The following SLC29A2 variants were observed in gnomAD, a reference collection of about 807,000 sequenced individuals.
SLC29A2 encodes solute carrier family 29 member 2.
In SLC29A2, 37 loss-of-function variants were observed where a neutral mutation model predicts 48.8. The observed-to-expected ratio is 0.76, with a 90% CI of 0.58 to 1.00. The LOEUF is 1.00. Among genes scored for constraint, SLC29A2 ranks in the 50% least tolerant of loss-of-function variants. The pLI is 0.00. For missense variants in SLC29A2, 533 were observed against 578.6 expected (o/e 0.92, Z 0.81); for synonymous variants, 233 against 261.7 (o/e 0.89, Z 1.06).
chr11:66,364,507 T>A (rs2134994209), intron 10 of SLC29A2, 83 bp from the exon 11 acceptor site: 3 of 647,224 alleles, frequency 4.6e-6, no homozygotes, highest in East Asian at 4.3e-5. Flanking sequence ...AGAGTACTTT[T>A]TTTTTTTTTT....
rs1315585652 is a variant in SLC29A2 at position 66,371,640 on chromosome 11, C to T, written c.-49G>A. On this transcript the variant is annotated 5_prime_UTR_variant, in exon 1 of 12. The change creates a new upstream start codon in the 5' untranslated region. Coordinates refer to ENST00000357440, the MANE Select transcript of SLC29A2 (RefSeq NM_001532.3). ...GGGTGAAAGGGGCAGAGAAGCCGCACCTGCACCTGCGCTGGGGCGGAGGGC... is the reference window on the plus strand; with the variant it reads ...GGGTGAAAGGGGCAGAGAAGCCGCATCTGCACCTGCGCTGGGGCGGAGGGC... The T allele has an allele frequency of 6.5e-7, 1 of 1,531,516 alleles. No homozygotes were observed. Among genetic ancestry groups the T allele is most frequent in the Non-Finnish European group, 8.8e-7 (1 of 1,142,626 alleles). 94.9% of individuals were successfully genotyped at this position (1,531,516 alleles called of 1,614,324 possible). A position where few individuals can be genotyped will look rare whatever the true frequency, so the allele number is the denominator to read the frequency against.
Position 66,363,564 on chromosome 11 carries a change from C to A in SLC29A2, c.1260-17G>T. The stretch of plus-strand genomic sequence containing the variant: ...AGCACCTGCCTAGAACACCCGGGAA[C>A]AGGAGCTCTTAGAAAATGCTGGGTC... On this transcript the variant is annotated splice_polypyrimidine_tract_variant and intron_variant, in intron 11 of 11. Coordinates refer to ENST00000357440, the MANE Select transcript of SLC29A2 (RefSeq NM_001532.3). 2 of 1,589,450 alleles carry A rather than the reference C, an allele frequency of 1.3e-6. No individual in the cohort carries two copies. The highest frequency in any genetic ancestry group is 3.3e-4 in the Middle Eastern group (2 of 6,020).
chr11:66,365,321 G>A (rs1855619753), intron 10 of SLC29A2, among the ~76,000 whole-genome samples: 2 of 152,216 alleles, frequency 1.3e-5, no homozygotes, highest in South Asian at 4.1e-4. Flanking sequence ...AGTGAGGGAG[G>A]ACCCAGCACT....
upstream of SLC29A2, chr11:66,372,204 A>C (rs1295190024): frequency 6.6e-6 from 1 of 152,296 alleles, no homozygotes; most frequent in Non-Finnish European, 1.5e-5. Context: ...CGGGGGAACC[A>C]GAGCTGCCAC....
chr11:66,371,400 C>A, intron 1 of SLC29A2, 75 bp from the exon 2 acceptor site: 3 of 1,561,796 alleles, frequency 1.9e-6, no homozygotes, highest in South Asian at 1.1e-5. Flanking sequence ...CAGGCCACCC[C>A]CTCCGGAGCG....
At chr11:66,368,992 C>T in intron 4 of SLC29A2, 68 bp downstream of exon 4, 1 of 1,539,972 alleles carries the variant, frequency 6.5e-7, no homozygotes, top group Non-Finnish European at 8.8e-7. Flanking sequence ...ATATGCTGGG[C>T]CCTTTCAATG....
intron 5 of SLC29A2, 142 bp downstream of exon 5, chr11:66,368,395 G>T: frequency 8.9e-7 from 1 of 1,126,262 alleles, no homozygotes; most frequent in Non-Finnish European, 1.3e-6. Flanking sequence ...CCACTCCCTA[G>T]CCCCAGACCC....
In SLC29A2 at chr11:66,371,264, A is replaced by T. The variant is rs1397192761; in HGVS notation, c.91T>A (p.Phe31Ile). 7 of 1,613,882 alleles carry T rather than the reference A, an allele frequency of 4.3e-6. No individual in the cohort carries two copies. Among genetic ancestry groups the T allele is most frequent in the Non-Finnish European group, 3.4e-6 (4 of 1,180,014 alleles). ...CTCACCGGGATGGCGGTGATGAAGA[A>T]GTTCCAGGGAAGGAGGGTGCCCAGC... is the stretch of plus-strand genomic sequence containing the variant. ...LGLGTLLPWN[F>I]FITAIPYFQA... The change falls in exon 2 of 12, where the codon TTC becomes ATC. Residue 31 changes from phenylalanine to isoleucine, a missense_variant. Coordinates refer to ENST00000357440, the MANE Select transcript of SLC29A2 (RefSeq NM_001532.3).
Position 66,371,688 on chromosome 11 carries a change from C to G in SLC29A2, c.-97G>C. The G allele has an allele frequency of 5.5e-5, 62 of 1,129,884 alleles. No homozygotes were observed. Among genetic ancestry groups the G allele is most frequent in the Non-Finnish European group, 7.4e-5 (59 of 794,740 alleles). 70.0% of individuals were successfully genotyped at this position (1,129,884 alleles called of 1,614,324 possible). A position where few individuals can be genotyped will look rare whatever the true frequency, so the allele number is the denominator to read the frequency against. On this transcript the variant is annotated 5_prime_UTR_variant, in exon 1 of 12. Transcript: ENST00000357440. ...GGCCGCAGACCGGTGGGGCGGGGGGCGGGTCTCCCCAGATTCCGGTGCAGG... is the reference window on the plus strand; with the variant it reads ...GGCCGCAGACCGGTGGGGCGGGGGGGGGGTCTCCCCAGATTCCGGTGCAGG...
intron 2 of SLC29A2, among the ~76,000 whole-genome samples, chr11:66,370,719 C>A (rs1171501971): frequency 6.6e-6 from 1 of 151,998 alleles, no homozygotes; most frequent in African/African-American, 2.4e-5. Flanking sequence ...AATAGCCGCG[C>A]GTGGCGGCGG....
At chr11:66,367,374 T>C in intron 7 of SLC29A2, 90 bp downstream of exon 7, 1 of 1,127,158 alleles carries the variant, frequency 8.9e-7, no homozygotes, top group Non-Finnish European at 1.4e-6. Context: ...GGGTGGGCTC[T>C]GGCTGGGAAC....
intron 8 of SLC29A2, 70 bp downstream of exon 8, chr11:66,366,361 T>A (rs1019820947): frequency 6.2e-7 from 1 of 1,611,712 alleles, no homozygotes; most frequent in Non-Finnish European, 8.5e-7. Context: ...TGTGACCCTA[T>A]GACCTTGGAG....
chr11:66,369,097 G>A lies in SLC29A2; in HGVS notation c.378C>T (p.Phe126=). 1 of 1,598,354 alleles carries A rather than the reference G, an allele frequency of 6.3e-7. No homozygotes were observed. Among genetic ancestry groups the A allele is most frequent in the African/African-American group, 1.3e-5 (1 of 74,668 alleles). ...AGACGGAGGCCATGGTGATGGAGAA[G>A]AAGGGTCCGGGGCTCATGTCCACCT... The part of the protein sequence containing the change: ...LVKVDMSPGP[F]FSITMASVCF... Residue 126 remains phenylalanine (F), a synonymous_variant, in exon 4 of 12, where the codon TTC becomes TTT. Coordinates refer to ENST00000357440, the MANE Select transcript of SLC29A2 (RefSeq NM_001532.3).
intron 2 of SLC29A2, among the ~76,000 whole-genome samples, 136 bp downstream of exon 2, chr11:66,371,084 CACGGGGGAAGCATTCCCCTCTCCG>C (rs1006786559): frequency 1.3e-5 from 2 of 152,222 alleles, no homozygotes; most frequent in African/African-American, 4.8e-5. Flanking sequence ...CTTTCCTAGC[CACGGGGGAAGCATTCCCCTCTCCG>C]AGCTTCAGCC....
intron 5 of SLC29A2, among the ~76,000 whole-genome samples, chr11:66,368,215 C>T (rs747434657): frequency 7.2e-5 from 11 of 152,162 alleles, no homozygotes; most frequent in African/African-American, 1.2e-4. Flanking sequence ...AGCTGGTAAG[C>T]GGTGAAGCAG....
At chr11:66,364,499 AGTAC>A in intron 10 of SLC29A2, 75 bp from the exon 11 acceptor site, 1 of 976,390 alleles carries the variant, frequency 1.0e-6, no homozygotes, top group Non-Finnish European at 1.5e-6. Context: ...ACACCCATAG[AGTAC>A]TTTTTTTTTT....
upstream of SLC29A2, among the ~76,000 whole-genome samples, chr11:66,372,371 G>T (rs1488251920): frequency 6.6e-6 from 1 of 152,184 alleles, no homozygotes. Context: ...CATAATCTAC[G>T]AATAGGTGTG....
In SLC29A2 at chr11:66,364,340, G is replaced by A; in HGVS notation, c.1144C>T (p.Gln382Ter). Residue 382 changes from glutamine to a stop codon, truncating the protein, a stop_gained, in exon 11 of 12, where the codon CAG becomes TAG. Transcript: ENST00000357440. LOFTEE classifies it high-confidence loss of function. Reference protein sequence around the residue: ...VPLFMLCHVPQRSRLPILFPQ... With the variant: ...VPLFMLCHVP ...AAGAGGATGGGCAGCCGGGACCTCT[G>A]GGGCACGTGGCACAGCATGAAGAGG... The A allele has an allele frequency of 6.2e-7, 1 of 1,613,986 alleles. No individual in the cohort carries two copies.
At chr11:66,366,360 A>G (rs777580913) in intron 8 of SLC29A2, 71 bp downstream of exon 8, 12 of 1,611,754 alleles carry the variant, frequency 7.4e-6, no homozygotes, top group African/African-American at 2.7e-5. Flanking sequence ...CTGTGACCCT[A>G]TGACCTTGGA....
Sources: gnomAD v4.1 joint callset for allele counts (sites outside exome capture counted in the v4.1 genomes callset) on GRCh38, gnomAD v4.1.1 for gene constraint, MANE v1.5 for transcripts, NCBI Gene and HGNC (gene_info 2026-07-23, HGNC 2026-07-21) for gene names.